PCSK6: variants seen among roughly 807,000 people sequenced by gnomAD.
PCSK6 encodes the protein proprotein convertase subtilisin/kexin type 6.
Under a neutral mutation model 123.3 loss-of-function variants are expected in PCSK6, and 85 were observed. That is an observed-to-expected ratio of 0.69 (90% CI 0.58 to 0.83). The LOEUF (loss-of-function observed/expected upper bound fraction) is 0.83. Ranked by LOEUF, PCSK6 falls within the 40% of genes least tolerant of loss-of-function variation. The pLI, the probability that PCSK6 is intolerant of heterozygous loss-of-function variation, is 0.00. For missense variants in PCSK6, 1,191 were observed against 1,282.3 expected (o/e 0.93, Z 1.09); for synonymous variants, 508 against 516.0 (o/e 0.98, Z 0.21).
At chr15:101,431,181 C>G (rs1050320142) in intron 4 of PCSK6, 139 bp downstream of exon 4, 2 of 851,038 alleles carry the variant, frequency 2.4e-6, no homozygotes, top group Non-Finnish European at 3.7e-6. Flanking sequence ...CTTCCTAATT[C>G]TTTCCAGCAT....
chr15:101,478,118 G>A (rs1233007674), intron 1 of PCSK6, among the ~76,000 whole-genome samples: 1 of 152,106 alleles, frequency 6.6e-6, no homozygotes, highest in Non-Finnish European at 1.5e-5. Context: ...AATAGACACA[G>A]ACTCTGTCTA....
At chr15:101,336,349 A>G (rs773751972) in intron 13 of PCSK6, among the ~76,000 whole-genome samples, 8 of 152,240 alleles carry the variant, frequency 5.3e-5, no homozygotes, top group Non-Finnish European at 8.8e-5. Flanking sequence ...CTGTCCATTA[A>G]GGGAAACCTA....
chr15:101,329,562 C>T lies in PCSK6; in HGVS notation c.2077+2089G>A, dbSNP rs530807069. 1.8e-3 allele frequency among the ~76,000 whole-genome samples: 277 copies of T among 152,332 alleles called. 2 individuals are homozygous for T. The highest frequency in any genetic ancestry group is 1.5e-3 in the Non-Finnish European group (105 of 68,028). ...TCTGCTTGAGCCTGTCGAGTAAGCA[C>T]GGATGTGCTGAGCCTGTGAGCACAC... is the stretch of plus-strand genomic sequence containing the variant. On this transcript the variant is annotated intron_variant, in intron 15 of 21. Transcript: ENST00000611716.
At chr15:101,405,589 G>A (rs879811975) in intron 6 of PCSK6, among the ~76,000 whole-genome samples, 3 of 151,892 alleles carry the variant, frequency 2.0e-5, no homozygotes, top group Admixed American at 6.6e-5. Flanking sequence ...TAAATAATAC[G>A]TGCATTCCTA....
chr15:101,430,044 T>C lies in PCSK6; in HGVS notation c.677A>G (p.Asp226Gly). ...APNYDSYASY[D>G]VNGNDYDPSP... ...TGGGTCATAATCATTGCCGTTCACG[T>C]CGTAGCTGGCGTAGGAATCCTAAGA... The change falls in exon 5 of 22, where the codon GAC becomes GGC. Residue 226 changes from aspartate (D) to glycine (G), a missense_variant. Asp to Gly is a moderately conservative substitution (Grantham distance 94). Transcript: ENST00000611716. The C allele has an allele frequency of 6.2e-7, 1 of 1,613,908 alleles. No individual in the cohort carries two copies. Among genetic ancestry groups the C allele is most frequent in the Non-Finnish European group, 8.5e-7 (1 of 1,179,804 alleles).
At chr15:101,354,447 A>G (rs1366742736) in intron 13 of PCSK6, among the ~76,000 whole-genome samples, 1 of 152,262 alleles carries the variant, frequency 6.6e-6, no homozygotes, top group African/African-American at 2.4e-5. Flanking sequence ...GTGTCTTTTT[A>G]CACTTTAAAC....
chr15:101,398,505 T>C lies in PCSK6; in HGVS notation c.895A>G (p.Ile299Val), dbSNP rs374799887. 1.7e-4 allele frequency: 274 copies of C among 1,613,816 alleles called. 1 individual carries two copies. The highest frequency in any genetic ancestry group is 1.3e-3 in the Middle Eastern group (8 of 6,082). The change falls in exon 7 of 22, where the codon ATC (isoleucine) becomes GTC (valine). Residue 299 changes from isoleucine to valine, a missense_variant. By Grantham distance (29) the Ile-to-Val change is conservative (BLOSUM62 3). Around this residue, in one of 3 missense-constraint regions of PCSK6, gnomAD observed 357 missense variants for 484.5 expected, o/e 0.74. Coordinates refer to ENST00000611716, the MANE Select transcript of PCSK6 (RefSeq NM_002570.5). The surrounding 1 kb of genome is among the most constrained non-coding windows in gnomAD (Gnocchi z 4.6). The stretch of plus-strand genomic sequence containing the variant: ...CCCCAGCTGGCACTGTAAATGTCGA[T>C]GTAGTTGGGTCTGATGCCCAGCGAC... ...AKSLGIRPNY[I>V]DIYSASWGPD...
At position 101,361,156 on chromosome 15, in the gene PCSK6, TTC is replaced by T. The variant is rs753650844; in HGVS notation, c.1858+5038_1858+5039del. On this transcript the variant is annotated intron_variant, in intron 13 of 21. Transcript: ENST00000611716. Reference sequence around the variant, plus strand: ...CCTATTCAAATTTGCCTATAGTTCTTTCTCTCTCTTTTTTTTTTTTTTTTGGC... The same window carrying T: ...CCTATTCAAATTTGCCTATAGTTCTTTCTCTCTTTTTTTTTTTTTTTTGGC... Among the ~76,000 whole-genome samples the T allele has an allele frequency of 2.5e-3, 321 of 130,308 alleles. 4 individuals are homozygous for T. The highest frequency in any genetic ancestry group is 5.2e-3 in the East Asian group (17 of 3,240). The allele number at this position is 130,308 out of a possible 152,430, so 85.5% of individuals were successfully genotyped here.
intron 6 of PCSK6, among the ~76,000 whole-genome samples, chr15:101,419,080 T>C (rs2055990833): frequency 6.6e-6 from 1 of 152,094 alleles, no homozygotes; most frequent in Non-Finnish European, 1.5e-5. Context: ...CTATTCAATA[T>C]TCATCAGGAA....
In PCSK6 at chr15:101,393,405, G is replaced by A; in HGVS notation, c.1016C>T (p.Ser339Phe). 1.2e-6 allele frequency: 2 copies of A among 1,603,386 alleles called. No homozygotes were observed. The highest frequency in any genetic ancestry group is 8.5e-7 in the Non-Finnish European group (1 of 1,175,666). The change falls in exon 8 of 22, where the codon TCC (serine) becomes TTC (phenylalanine). Residue 339 changes from serine to phenylalanine, a missense_variant. By Grantham distance (155) the Ser-to-Phe change is radical (BLOSUM62 -2). Transcript: ENST00000611716. ...GIKKGRQGLG[S>F]IFVWASGNGG... ...ATTCCCAGATGCCCAGACGAAAATG[G>A]AGCCCAGGCCCTGCCGGCCCTGGAG...
In PCSK6 at chr15:101,393,101, G is replaced by C; in HGVS notation, c.1209+111C>G. ...GGGTGAGGCTGGGACCCTGGGATCC[G>C]GAACAATCTGGCCTCAATCTAAGCC... On this transcript the variant is annotated intron_variant, in intron 8 of 21. Coordinates refer to ENST00000611716, the MANE Select transcript of PCSK6 (RefSeq NM_002570.5). 12 of 927,602 alleles carry C rather than the reference G, an allele frequency of 1.3e-5. 1 individual carries two copies. In the South Asian group the frequency reaches 1.7e-4, roughly 13 times the overall value. 57.5% of individuals were successfully genotyped at this position (927,602 alleles called of 1,614,324 possible).
At chr15:101,461,267 C>T (rs2057335151) in intron 1 of PCSK6, among the ~76,000 whole-genome samples, 2 of 152,160 alleles carry the variant, frequency 1.3e-5, no homozygotes, top group African/African-American at 4.8e-5. Context: ...ACACAGACCA[C>T]ATTAAAAAAT....
At chr15:101,329,765 C>T (rs894349724) in intron 15 of PCSK6, among the ~76,000 whole-genome samples, 2 of 152,244 alleles carry the variant, frequency 1.3e-5, no homozygotes, top group African/African-American at 4.8e-5. Flanking sequence ...CTTTGCTCAA[C>T]CATGGCTTCT....
At chr15:101,479,975 T>A (rs114435256) in intron 1 of PCSK6, among the ~76,000 whole-genome samples, 3 of 152,142 alleles carry the variant, frequency 2.0e-5, no homozygotes, top group Non-Finnish European at 2.9e-5. Flanking sequence ...CATCTCAAGG[T>A]GATCTGCTTA....
intron 6 of PCSK6, among the ~76,000 whole-genome samples, chr15:101,423,522 A>G (rs2056153341): frequency 2.0e-5 from 3 of 152,164 alleles, no homozygotes; most frequent in Admixed American, 1.3e-4. Context: ...TCAGCCACCC[A>G]AACTGCTGAG....
rs374789229 is a variant in PCSK6 at position 101,429,917 on chromosome 15, G to A, written c.734+70C>T. 291 of 1,329,022 alleles carry A rather than the reference G, an allele frequency of 2.2e-4. 3 individuals are homozygous for A. The highest frequency in any genetic ancestry group is 1.7e-3 in the East Asian group (72 of 43,276). 82.3% of individuals were successfully genotyped at this position (1,329,022 alleles called of 1,614,324 possible). On this transcript the variant is annotated intron_variant, in intron 5 of 21. Transcript: ENST00000611716. The stretch of plus-strand genomic sequence containing the variant: ...CAGCCACCGCCTCTCCAGCTCCCTC[G>A]CACACACATTCAATAGTGACGCTGC...
intron 3 of PCSK6, 153 bp from the exon 4 acceptor site, chr15:101,431,616 C>T: frequency 2.2e-6 from 2 of 898,598 alleles, no homozygotes; most frequent in South Asian, 1.4e-5. Flanking sequence ...CTCCTCTTTC[C>T]CACTCGGATC....
intron 12 of PCSK6, 146 bp from the exon 13 acceptor site, chr15:101,366,478 C>A: frequency 1.5e-6 from 1 of 674,478 alleles, no homozygotes; most frequent in South Asian, 2.3e-5. Flanking sequence ...CCCAGCCAAC[C>A]CGAGGGCAAA....
intron 1 of PCSK6, among the ~76,000 whole-genome samples, chr15:101,473,082 TTTCTTTTCTA>T (rs1285401023): frequency 2.0e-5 from 3 of 152,126 alleles, no homozygotes; most frequent in African/African-American, 7.2e-5. Context: ...TTTGTTTTCT[TTTCTTTTCTA>T]GAGACAGAGT....
Sources: allele counts gnomAD v4.1 joint callset (sites outside exome capture counted in the v4.1 genomes callset), GRCh38; gene constraint gnomAD v4.1.1; regional missense constraint gnomAD v4.1.1; non-coding constraint Gnocchi (gnomAD v3.1); transcripts MANE v1.5; gene names NCBI Gene and HGNC (gene_info 2026-07-23, HGNC 2026-07-21).